Variants in KANK1 observed in about 807,000 individuals in gnomAD.
KANK1 encodes the protein KN motif and ankyrin repeat domains 1.
In KANK1, 109 loss-of-function variants were observed where a neutral mutation model predicts 106.2. That is an observed-to-expected ratio of 1.03 (90% CI 0.88 to 1.20). The LOEUF (loss-of-function observed/expected upper bound fraction) is 1.20, where lower values mean the gene tolerates loss of function less well. KANK1 is among the 50% of genes most tolerant of loss of function. The probability of loss-of-function intolerance (pLI) is 0.00; values close to 1 mark genes in which losing one functional copy is unlikely to be tolerated. For synonymous variants in KANK1, 873 were observed against 652.2 expected (o/e 1.34, Z -5.16); for missense variants, 2,399 against 1,710.7 (o/e 1.40, Z -7.10).
chr9:650,256 T>G (rs1026223059), intron 1 of KANK1, among the ~76,000 whole-genome samples: 2 of 152,218 alleles, frequency 1.3e-5, no homozygotes, highest in African/African-American at 4.8e-5. Context: ...GATTGGCCTC[T>G]GTGCTTATTA....
chr9:504,292 G>A (rs1159662652), upstream of KANK1, among the ~76,000 whole-genome samples: 7 of 152,082 alleles, frequency 4.6e-5, no homozygotes, highest in African/African-American at 1.7e-4. Context: ...CAGAAGGAGC[G>A]AACCGCGGTG....
intron 1 of KANK1, among the ~76,000 whole-genome samples, chr9:575,563 C>T (rs1187675613): frequency 6.6e-6 from 1 of 150,446 alleles, no homozygotes; most frequent in Admixed American, 6.6e-5. Context: ...TCCAGCTGCT[C>T]AGGAGACTGA....
intron 1 of KANK1, among the ~76,000 whole-genome samples, chr9:668,586 T>G (rs1845201611): frequency 6.6e-6 from 1 of 152,216 alleles, no homozygotes; most frequent in Non-Finnish European, 1.5e-5. Flanking sequence ...TTAAGTGACT[T>G]TCTCTGGTAC....
intron 8 of KANK1, among the ~76,000 whole-genome samples, chr9:740,067 T>G (rs772452256): frequency 2.6e-5 from 4 of 152,134 alleles, no homozygotes; most frequent in Non-Finnish European, 4.4e-5. Context: ...TCATATTTGG[T>G]CCCACATAAA....
intron 8 of KANK1, among the ~76,000 whole-genome samples, 184 bp from the exon 9 acceptor site, chr9:740,607 GA>G (rs537194296): frequency 5.6e-4 from 85 of 152,160 alleles, no homozygotes; most frequent in Middle Eastern, 3.4e-3. Context: ...GAAATAGGGG[GA>G]AAAAAAGTTT....
rs554146127 is a variant in KANK1 at position 745,461 on chromosome 9, C to G, written c.*226C>G. The G allele has an allele frequency of 2.1e-6, 1 of 472,098 alleles. No homozygotes were observed. Among genetic ancestry groups the G allele is most frequent in the African/African-American group, 2.0e-5 (1 of 50,168 alleles). 29.2% of individuals were successfully genotyped at this position (472,098 alleles called of 1,614,324 possible). A position where few individuals can be genotyped will look rare whatever the true frequency, so the allele number is the denominator to read the frequency against. ...TGTGTAGGGCACACTTTAACCCAGT[C>G]TCTGTTGCTGTTGAGTCTCTGCTCC... On this transcript the variant is annotated 3_prime_UTR_variant, in exon 12 of 12. Transcript: ENST00000382297.
Position 642,370 on chromosome 9 carries a change from C to T in KANK1, c.-83-34520C>T, listed in dbSNP as rs1200974306. 2.0e-5 allele frequency among the ~76,000 whole-genome samples: 3 copies of T among 150,900 alleles called. 1 individual carries two copies. The highest frequency in any genetic ancestry group is 7.5e-5 in the African/African-American group (3 of 40,214). On this transcript the variant is annotated intron_variant, in intron 1 of 11. Coordinates refer to ENST00000382297, the MANE Select transcript of KANK1 (RefSeq NM_015158.5). ...AAGCCATTTCCTCATCCTCCCTAACCTTAAAAAGTCGACATTATTTTTACA... is the reference window on the plus strand; with the variant it reads ...AAGCCATTTCCTCATCCTCCCTAACTTTAAAAAGTCGACATTATTTTTACA...
Position 746,068 on chromosome 9 carries a change from T to C in KANK1, c.*833T>C, listed in dbSNP as rs1223117167. ...TAAATGTTTGAAGTGCCTTAGACTC[T>C]TGCCATATTTTCAAAATAAAATTCC... On this transcript the variant is annotated 3_prime_UTR_variant, in exon 12 of 12. Transcript: ENST00000382297. The C allele has an allele frequency of 6.5e-6, 1 of 152,676 alleles. No homozygotes were observed. The highest frequency in any genetic ancestry group is 2.4e-5 in the African/African-American group (1 of 41,460). The allele number at this position is 152,676 out of a possible 1,614,324, so 9.5% of individuals were successfully genotyped here.
chr9:574,723 C>CA lies in KANK1; in HGVS notation c.-84+69970dup, dbSNP rs559344815. The stretch of plus-strand genomic sequence containing the variant: ...TACAAAAATTAGCCAGGCATGGTGG[C>CA]ACGTGCCTGTGGTCCCAGCTACTTG... On this transcript the variant is annotated intron_variant, in intron 1 of 11. Coordinates refer to ENST00000382297, the MANE Select transcript of KANK1 (RefSeq NM_015158.5). Among the ~76,000 whole-genome samples, 19 of 151,932 alleles carry CA rather than the reference C, an allele frequency of 1.3e-4. No homozygotes were observed. In the East Asian group the frequency reaches 3.5e-3, roughly 28 times the overall value.
intron 7 of KANK1, among the ~76,000 whole-genome samples, chr9:736,934 G>A (rs564677896): frequency 1.3e-5 from 2 of 152,240 alleles, no homozygotes; most frequent in South Asian, 2.1e-4. Flanking sequence ...ACTAGGTTAC[G>A]TGGCCTTTGG....
At chr9:713,580 T>A in intron 3 of KANK1, 116 bp downstream of exon 3, 2 of 1,115,780 alleles carry the variant, frequency 1.8e-6, no homozygotes, top group Non-Finnish European at 2.5e-6. Flanking sequence ...ATGGAGAAAG[T>A]TTTAGAGTGG....
intron 1 of KANK1, among the ~76,000 whole-genome samples, chr9:533,643 G>T (rs910098226): frequency 6.6e-6 from 1 of 152,322 alleles, no homozygotes; most frequent in East Asian, 1.9e-4. Flanking sequence ...AGGTGGTGCT[G>T]CTGGGTGAGA....
chr9:745,339 A>G lies in KANK1; in HGVS notation c.*104A>G. 1 of 1,407,054 alleles carries G rather than the reference A, an allele frequency of 7.1e-7. No individual in the cohort carries two copies. The highest frequency in any genetic ancestry group is 1.7e-5 in the Admixed American group (1 of 58,204). The allele number at this position is 1,407,054 out of a possible 1,614,324, so 87.2% of individuals were successfully genotyped here. On this transcript the variant is annotated 3_prime_UTR_variant, in exon 12 of 12. Coordinates refer to ENST00000382297, the MANE Select transcript of KANK1 (RefSeq NM_015158.5). ...TATACGTATTGTGCCTGAGCTCACC[A>G]GCAAACAGAAGCATCAAGCCCAGGG...
intron 3 of KANK1, among the ~76,000 whole-genome samples, chr9:717,035 T>C (rs1395933508): frequency 1.3e-5 from 2 of 151,742 alleles, no homozygotes; most frequent in Non-Finnish European, 2.9e-5. Context: ...CCTGTAATTC[T>C]AGCATTCTGA....
At chr9:741,700 G>T (rs929396896) in intron 9 of KANK1, among the ~76,000 whole-genome samples, 1 of 152,008 alleles carries the variant, frequency 6.6e-6, no homozygotes, top group African/African-American at 2.4e-5. Context: ...TGTTAGCCAG[G>T]ATGGTCTTGA....
chr9:581,890 G>T (rs1355197184), intron 1 of KANK1, among the ~76,000 whole-genome samples: 1 of 152,166 alleles, frequency 6.6e-6, no homozygotes, highest in East Asian at 1.9e-4. Context: ...CAGCCAGAGT[G>T]CAGGTATGGC....
chr9:687,481 G>C (rs1000535468), intron 2 of KANK1, among the ~76,000 whole-genome samples: 1 of 152,076 alleles, frequency 6.6e-6, no homozygotes, highest in Non-Finnish European at 1.5e-5. Context: ...TCTTGTGTCT[G>C]TAAAAATCAC....
intron 2 of KANK1, chr9:470,812 AC>A: frequency 6.6e-6 from 1 of 151,878 alleles, no homozygotes; most frequent in East Asian, 1.9e-4. Flanking sequence ...TTGGCCTTTC[AC>A]CCCCTAGTTT....
intron 1 of KANK1, among the ~76,000 whole-genome samples, chr9:581,518 C>T (rs1405694087): frequency 4.1e-5 from 2 of 49,030 alleles, no homozygotes; most frequent in African/African-American, 1.3e-4. Context: ...AGCTATGAAC[C>T]ATTCTTCATT....
Sources: gnomAD v4.1 joint callset for allele counts (sites outside exome capture counted in the v4.1 genomes callset) on GRCh38, gnomAD v4.1.1 for gene constraint, MANE v1.5 for transcripts, NCBI Gene and HGNC (gene_info 2026-07-23, HGNC 2026-07-21) for gene names.